INSYN1: variants seen among roughly 807,000 people sequenced by gnomAD.
INSYN1 encodes the protein UPF0583 protein C15orf59.
INSYN1 carries 7 observed loss-of-function variants against 17.1 expected under a neutral mutation model. The ratio of observed to expected loss-of-function variants is 0.41; its 90% CI spans 0.23 to 0.77. The LOEUF is 0.77. Among genes scored for constraint, INSYN1 ranks in the 30% least tolerant of loss-of-function variants. The probability of loss-of-function intolerance (pLI) is 0.32; values close to 1 mark genes in which losing one functional copy is unlikely to be tolerated. For missense variants in INSYN1, 339 were observed against 400.6 expected (o/e 0.85, Z 1.31); for synonymous variants, 174 against 166.3 (o/e 1.05, Z -0.36).
intron 2 of INSYN1, among the ~76,000 whole-genome samples, chr15:73,743,453 C>G (rs1462356300): frequency 6.6e-6 from 1 of 152,152 alleles, no homozygotes; most frequent in African/African-American, 2.4e-5. Flanking sequence ...AGATGATTAT[C>G]CCCCTCTGGG....
In INSYN1 at chr15:73,751,116, G is replaced by T; in HGVS notation, c.15C>A (p.Gly5=). The T allele has an allele frequency of 6.2e-7, 1 of 1,613,716 alleles. No homozygotes were observed. Among genetic ancestry groups the T allele is most frequent in the Non-Finnish European group, 8.5e-7 (1 of 1,180,012 alleles). ...CACTGGGCTGCCCGAGGTCCGGGGC[G>T]CCCCGAATGTTCATCGTTTACCACG... MNIR[G]APDLGQPSDD... Residue 5 remains glycine (G), a synonymous_variant, in exon 2 of 3, where the codon GGC becomes GGA. Coordinates refer to ENST00000569673, the MANE Select transcript of INSYN1 (RefSeq NM_001039614.3).
intron 2 of INSYN1, among the ~76,000 whole-genome samples, chr15:73,745,842 A>AACAAAAAAAAACAAAACAAAAAAG: frequency 6.6e-6 from 1 of 152,170 alleles, no homozygotes; most frequent in Non-Finnish European, 1.5e-5. Flanking sequence ...AAACAAAAAA[A>AACAAAAAAAAACAAAACAAAAAAG]CTGCTGGGGG....
At chr15:73,748,255 G>A (rs750834366) in intron 2 of INSYN1, among the ~76,000 whole-genome samples, 20 of 152,218 alleles carry the variant, frequency 1.3e-4, no homozygotes, top group Non-Finnish European at 1.8e-4. Context: ...GATGAGGAGA[G>A]TCTGCCATGA....
chr15:73,750,905 G>A, intron 2 of INSYN1, 70 bp downstream of exon 2: 1 of 1,535,634 alleles, frequency 6.5e-7, no homozygotes, highest in South Asian at 1.1e-5. Context: ...GTATTTATGA[G>A]TACGTTTTTG....
At position 73,751,074 on chromosome 15, in the gene INSYN1, A is replaced by T. The variant is rs768626309; in HGVS notation, c.57T>A (p.Gly19=). ...GCTGTCGAATCCGCTCCCGCTCACC[A>T]CCACTGCTGGGGTCGTCACTGGGCT... The part of the protein sequence containing the change: ...LGQPSDDPSS[G]GERERIRQRM... Residue 19 remains glycine, a synonymous_variant, in exon 2 of 3, where the codon GGT becomes GGA. Coordinates refer to ENST00000569673, the MANE Select transcript of INSYN1 (RefSeq NM_001039614.3). 6.2e-7 allele frequency: 1 copy of T among 1,613,644 alleles called. No homozygotes were observed. The highest frequency in any genetic ancestry group is 1.3e-5 in the African/African-American group (1 of 74,814).
intron 2 of INSYN1, 132 bp downstream of exon 2, chr15:73,750,843 A>G: frequency 2.0e-6 from 2 of 1,002,720 alleles, no homozygotes; most frequent in Admixed American, 3.9e-5. Context: ...GCAAGGAGAA[A>G]GAAGGTCCCC....
At chr15:73,741,385 T>C (rs1424101814) in intron 2 of INSYN1, among the ~76,000 whole-genome samples, 1 of 152,216 alleles carries the variant, frequency 6.6e-6, no homozygotes, top group African/African-American at 2.4e-5. Flanking sequence ...AAGCCATCTA[T>C]TCTGGGCCCA....
rs1358282057 is a variant in INSYN1, at chr15:73,753,162, T to C, written c.-1620A>G. Reference sequence around the variant, plus strand: ...CTCCCTTCACCGCCTCGCCCTGCCCTGCCCCGCCGGGCTCCCGGGGCCTGG... The same window carrying C: ...CTCCCTTCACCGCCTCGCCCTGCCCCGCCCCGCCGGGCTCCCGGGGCCTGG... On this transcript the variant is annotated 5_prime_UTR_variant, in exon 1 of 3. Coordinates refer to ENST00000569673, the MANE Select transcript of INSYN1 (RefSeq NM_001039614.3). This position sits in a 1 kb window ranked among gnomAD's most constrained non-coding sequence, Gnocchi z 4.2. 7.0e-6 allele frequency among the ~76,000 whole-genome samples: 1 copy of C among 142,170 alleles called. No individual in the cohort carries two copies. The allele number at this position is 142,170 out of a possible 152,430, so 93.3% of individuals were successfully genotyped here. A position where few individuals can be genotyped will look rare whatever the true frequency, so the allele number is the denominator to read the frequency against.
At chr15:73,740,724 C>A (rs1236685590) in intron 2 of INSYN1, 82 bp from the exon 3 acceptor site, 2 of 1,060,422 alleles carry the variant, frequency 1.9e-6, no homozygotes, top group East Asian at 4.8e-5. Context: ...TCCACCCCAT[C>A]CCTGTAGACC....
At position 73,738,869 on chromosome 15, in the gene INSYN1, G is replaced by C. The variant is rs897883250; in HGVS notation, c.*1048C>G. 2 of 152,202 alleles carry C rather than the reference G, an allele frequency of 1.3e-5. No homozygotes were observed. Among genetic ancestry groups the C allele is most frequent in the African/African-American group, 4.8e-5 (2 of 41,448 alleles). 9.4% of individuals were successfully genotyped at this position (152,202 alleles called of 1,614,324 possible). On this transcript the variant is annotated 3_prime_UTR_variant, in exon 3 of 3. Transcript: ENST00000569673. ...AATATAATTGTCATTATTATCCCAA[G>C]GATATTCAGCTGCTGTCCCTGTGCT... is the stretch of plus-strand genomic sequence containing the variant.
At chr15:73,748,370 C>T (rs1194405426) in intron 2 of INSYN1, among the ~76,000 whole-genome samples, 1 of 152,162 alleles carries the variant, frequency 6.6e-6, no homozygotes, top group African/African-American at 2.4e-5. Context: ...TGTTCTTTCA[C>T]CAAGCATATG....
intron 2 of INSYN1, among the ~76,000 whole-genome samples, chr15:73,741,462 C>T (rs1035619730): frequency 2.6e-5 from 4 of 152,210 alleles, no homozygotes; most frequent in Non-Finnish European, 4.4e-5. Flanking sequence ...TGGCCTGCCT[C>T]GCATAAAGTG....
rs747936065 is a variant in INSYN1, at chr15:73,740,010, C to T, written c.789G>A (p.Thr263=). Residue 263 remains threonine, a synonymous_variant, in exon 3 of 3, where the codon ACG becomes ACA. Transcript: ENST00000569673. ...TLAPEQTRRV[T]RNSSTQTVSD... ...ACACTGTCTGGGTGCTGCTGTTCCT[C>T]GTGACCCTTCGAGTCTGTTCAGGGG... is the stretch of plus-strand genomic sequence containing the variant. 38 of 1,613,152 alleles carry T rather than the reference C, an allele frequency of 2.4e-5. No homozygotes were observed. The highest frequency in any genetic ancestry group is 2.9e-5 in the Non-Finnish European group (34 of 1,179,816).
In INSYN1 at chr15:73,740,361, C is replaced by T. The variant is rs1191622174; in HGVS notation, c.438G>A (p.Thr146=). The T allele has an allele frequency of 3.1e-6, 5 of 1,606,270 alleles. No homozygotes were observed. The highest frequency in any genetic ancestry group is 1.1e-5 in the South Asian group (1 of 89,870). Residue 146 remains threonine (T), a synonymous_variant, in exon 3 of 3, where the codon ACG becomes ACA. Coordinates refer to ENST00000569673, the MANE Select transcript of INSYN1 (RefSeq NM_001039614.3). ...GPDYRLMNGG[T]PIPNGPRVET... ...CCACTCGTGGCCCATTGGGGATGGG[C>T]GTGCCACCATTCATGAGGCGGTAGT...
In INSYN1 at chr15:73,739,869, T is replaced by A. The variant is rs12439373; in HGVS notation, c.*48A>T. On this transcript the variant is annotated 3_prime_UTR_variant, in exon 3 of 3. Coordinates refer to ENST00000569673, the MANE Select transcript of INSYN1 (RefSeq NM_001039614.3). ...TATATATATATATATATATATATATTTATTTATAGCTCTATGTGCCCACCG... is the reference window on the plus strand; with the variant it reads ...TATATATATATATATATATATATATATATTTATAGCTCTATGTGCCCACCG... The A allele has an allele frequency of 2.0e-3, 695 of 354,204 alleles. 2 individuals carry two copies. The highest frequency in any genetic ancestry group is 0.012 in the African/African-American group (478 of 39,946). The allele number at this position is 354,204 out of a possible 1,614,324, so 21.9% of individuals were successfully genotyped here.
intron 2 of INSYN1, among the ~76,000 whole-genome samples, chr15:73,742,332 A>G (rs1340224966): frequency 6.6e-6 from 1 of 152,180 alleles, no homozygotes; most frequent in African/African-American, 2.4e-5. Context: ...CCAAGTGGGT[A>G]TGACAATCCC....
Position 73,740,577 on chromosome 15 carries a change from G to A in INSYN1, c.222C>T (p.Thr74=). The A allele has an allele frequency of 1.2e-6, 2 of 1,614,016 alleles. No individual in the cohort carries two copies. Among genetic ancestry groups the A allele is most frequent in the South Asian group, 2.2e-5 (2 of 91,070 alleles). Residue 74 remains threonine (T), a synonymous_variant, in exon 3 of 3, where the codon ACC becomes ACT. Transcript: ENST00000569673. ...TAGAGGTGCTGCTCACAGTGGCCGT[G>A]GTCCAGTCGTCCGGCTCCAGTTCAA... ...FDFELEPDDW[T]TATVSSTSSS...
Position 73,751,146 on chromosome 15 carries a change from C to T in INSYN1, c.-16G>A, listed in dbSNP as rs537578195. 2.0e-4 allele frequency: 325 copies of T among 1,612,642 alleles called. 2 individuals are homozygous for T. The South Asian group carries it at 2.4e-3, about 12-fold the overall frequency. ...GAATGTTCATCGTTTACCACGTGGCCGCAGGCCTGCCCATACTCCCCCCAG... is the reference window on the plus strand; with the variant it reads ...GAATGTTCATCGTTTACCACGTGGCTGCAGGCCTGCCCATACTCCCCCCAG... On this transcript the variant is annotated 5_prime_UTR_variant, in exon 2 of 3. Coordinates refer to ENST00000569673, the MANE Select transcript of INSYN1 (RefSeq NM_001039614.3).
intron 2 of INSYN1, among the ~76,000 whole-genome samples, chr15:73,743,113 G>A (rs1386452084): frequency 6.6e-6 from 1 of 152,230 alleles, no homozygotes; most frequent in Non-Finnish European, 1.5e-5. Context: ...CTGCCTGAGG[G>A]CGGGGCAGAA....
Sources: allele counts gnomAD v4.1 joint callset (sites outside exome capture counted in the v4.1 genomes callset), GRCh38; gene constraint gnomAD v4.1.1; non-coding constraint Gnocchi (gnomAD v3.1); transcripts MANE v1.5; gene names NCBI Gene and HGNC (gene_info 2026-07-23, HGNC 2026-07-21).